Variants in SH3RF2 observed in about 807,000 individuals in gnomAD.
The protein encoded by SH3RF2 is SH3 domain containing ring finger 2, also known as E3 ubiquitin-protein ligase SH3RF2.
Under a neutral mutation model 59.0 loss-of-function variants are expected in SH3RF2, and 43 were observed. The observed-to-expected ratio is 0.73, with a 90% confidence interval of 0.57 to 0.94. SH3RF2 has a LOEUF of 0.94. Among genes scored for constraint, SH3RF2 ranks in the 40% least tolerant of loss-of-function variants. The pLI, the probability that SH3RF2 is intolerant of heterozygous loss-of-function variation, is 0.00. For synonymous variants in SH3RF2, 391 were observed against 391.5 expected (o/e 1.00, Z 0.01); for missense variants, 930 against 940.1 (o/e 0.99, Z 0.14).
At chr5:146,057,962 C>A (rs202021278) in intron 8 of SH3RF2, among the ~76,000 whole-genome samples, 1,793 of 76,800 alleles carry the variant, frequency 0.023, 28 homozygotes, top group East Asian at 0.084. Flanking sequence ...CTCTCTCTCT[C>A]TCTCTCTATC....
chr5:146,046,045 TTACA>T (rs1168034903), intron 5 of SH3RF2, among the ~76,000 whole-genome samples: 1 of 152,180 alleles, frequency 6.6e-6, no homozygotes, highest in Non-Finnish European at 1.5e-5. Flanking sequence ...ACTGTCACAA[TTACA>T]TACATGACCA....
intron 2 of SH3RF2, among the ~76,000 whole-genome samples, chr5:145,974,228 C>T (rs895981051): frequency 1.3e-5 from 2 of 152,236 alleles, no homozygotes; most frequent in Non-Finnish European, 2.9e-5. Context: ...GCCACTTCTT[C>T]AAAGCCAGCA....
intron 2 of SH3RF2, among the ~76,000 whole-genome samples, chr5:145,943,422 T>C (rs924463137): frequency 2.6e-5 from 4 of 152,158 alleles, no homozygotes; most frequent in African/African-American, 9.7e-5. Context: ...AATGAAACTA[T>C]GTATGTGTTA....
chr5:145,951,315 A>T (rs1758185406), intron 2 of SH3RF2, among the ~76,000 whole-genome samples: 1 of 152,208 alleles, frequency 6.6e-6, no homozygotes, highest in South Asian at 2.1e-4. Flanking sequence ...CTTGCAGCAC[A>T]GTAGCTCTGC....
At chr5:145,995,234 A>C (rs1258474950) in intron 2 of SH3RF2, among the ~76,000 whole-genome samples, 1 of 152,166 alleles carries the variant, frequency 6.6e-6, no homozygotes, top group African/African-American at 2.4e-5. Context: ...AAAACTCCGG[A>C]CGGATGCTTC....
chr5:146,053,767 C>G (rs1762578084), intron 7 of SH3RF2, among the ~76,000 whole-genome samples: 1 of 152,162 alleles, frequency 6.6e-6, no homozygotes, highest in Admixed American at 6.5e-5. Context: ...CAGACATATG[C>G]CTACCTGGTG....
In SH3RF2 at chr5:146,010,124, C is replaced by T. The variant is rs191367431; in HGVS notation, c.745-3623C>T. 3.0e-3 allele frequency among the ~76,000 whole-genome samples: 460 copies of T among 151,830 alleles called. 10 individuals are homozygous for T. The East Asian group carries it at 0.049, about 16-fold the overall frequency. The stretch of plus-strand genomic sequence containing the variant: ...ATTCCCACCTATGAGTGAGAACATG[C>T]GGTGTTTGGTTTTTGGTCCTTGCGA... On this transcript the variant is annotated intron_variant, in intron 4 of 9. Transcript: ENST00000359120.
chr5:145,948,984 C>T (rs1211202488), intron 2 of SH3RF2, among the ~76,000 whole-genome samples: 1 of 152,172 alleles, frequency 6.6e-6, no homozygotes, highest in African/African-American at 2.4e-5. Context: ...TAATGTTTGC[C>T]ATATTGCAAG....
intron 2 of SH3RF2, among the ~76,000 whole-genome samples, chr5:145,984,068 T>A (rs1076333): frequency 0.23 from 34,531 of 151,950 alleles, 5,975 homozygotes; most frequent in African/African-American, 0.48. Flanking sequence ...TGATTTACTC[T>A]TCCATTTGTT....
intron 5 of SH3RF2, among the ~76,000 whole-genome samples, chr5:146,041,078 G>A (rs1424100772): frequency 6.6e-6 from 1 of 152,156 alleles, no homozygotes; most frequent in Non-Finnish European, 1.5e-5. Flanking sequence ...AAAGGACTCT[G>A]AGCCTAGGGT....
At chr5:146,020,773 C>A (rs1462890433) in intron 5 of SH3RF2, among the ~76,000 whole-genome samples, 1 of 151,982 alleles carries the variant, frequency 6.6e-6, no homozygotes, top group African/African-American at 2.4e-5. Flanking sequence ...CTTCTGATTA[C>A]CTAGAACAAA....
At chr5:146,020,346 C>A (rs1761269744) in intron 5 of SH3RF2, among the ~76,000 whole-genome samples, 1 of 152,160 alleles carries the variant, frequency 6.6e-6, no homozygotes, top group Non-Finnish European at 1.5e-5. Context: ...TATATGCACA[C>A]CATGTACTAG....
At chr5:146,062,147 G>C (rs890578675) in intron 9 of SH3RF2, among the ~76,000 whole-genome samples, 2 of 152,056 alleles carry the variant, frequency 1.3e-5, no homozygotes, top group African/African-American at 4.8e-5. Flanking sequence ...ATAGGCGGCG[G>C]CCTACCCTAT....
intron 2 of SH3RF2, among the ~76,000 whole-genome samples, chr5:145,942,088 G>C (rs1481772864): frequency 6.6e-6 from 1 of 152,186 alleles, no homozygotes; most frequent in African/African-American, 2.4e-5. Flanking sequence ...TGGCTTCGCA[G>C]CTCACTTCCA....
chr5:145,967,782 C>T (rs1758914128), intron 2 of SH3RF2, among the ~76,000 whole-genome samples: 1 of 152,134 alleles, frequency 6.6e-6, no homozygotes, highest in African/African-American at 2.4e-5. Context: ...GCCTCAGCAT[C>T]CTGAGTAGCT....
intron 4 of SH3RF2, among the ~76,000 whole-genome samples, chr5:146,005,788 T>G (rs992388013): frequency 1.3e-5 from 2 of 150,966 alleles, no homozygotes; most frequent in South Asian, 2.1e-4. Flanking sequence ...CTCTTTCCTC[T>G]GAATATCTGA....
At chr5:146,070,994 A>AT (rs757827902) in intron 9 of SH3RF2, among the ~76,000 whole-genome samples, 1 of 152,204 alleles carries the variant, frequency 6.6e-6, no homozygotes, top group Non-Finnish European at 1.5e-5. Flanking sequence ...AATGAGAGCC[A>AT]TTTTTGATGT....
intron 2 of SH3RF2, among the ~76,000 whole-genome samples, chr5:145,977,618 G>A (rs1759343925): frequency 6.6e-6 from 1 of 152,192 alleles, no homozygotes; most frequent in Non-Finnish European, 1.5e-5. Context: ...TGGACATGTG[G>A]TGGGGGTCTT....
chr5:146,031,124 A>G (rs1761727826), intron 5 of SH3RF2, among the ~76,000 whole-genome samples: 1 of 152,184 alleles, frequency 6.6e-6, no homozygotes, highest in Non-Finnish European at 1.5e-5. Flanking sequence ...GGGAAGAAGG[A>G]GCACTGGATG....
Sources: allele counts gnomAD v4.1 joint callset (sites outside exome capture counted in the v4.1 genomes callset), GRCh38; gene constraint gnomAD v4.1.1; transcripts MANE v1.5; gene names NCBI Gene and HGNC (gene_info 2026-07-23, HGNC 2026-07-21).